The following QTMAN variants were observed in gnomAD, a reference collection of about 807,000 sequenced individuals.
QTMAN encodes queuosine-tRNA mannosyltransferase.
chr2:144,032,536 A>G, the QTMAN span, among the ~76,000 whole-genome samples: 7 of 152,188 alleles, frequency 4.6e-5, no homozygotes, highest in Non-Finnish European at 8.8e-5. Context: ...TATAAGCCCA[A>G]GGGTGGAGAC....
At chr2:144,149,869 T>TA in the QTMAN span, among the ~76,000 whole-genome samples, 1 of 152,044 alleles carries the variant, frequency 6.6e-6, no homozygotes, top group Admixed American at 6.6e-5. Flanking sequence ...ACTTAATATG[T>TA]AAAAAGAAAA....
the QTMAN span, among the ~76,000 whole-genome samples, chr2:144,323,091 A>T: frequency 6.6e-6 from 1 of 152,184 alleles, no homozygotes; most frequent in Non-Finnish European, 1.5e-5. Flanking sequence ...GTTCATTTTC[A>T]AGAAAATGAC....
At chr2:144,307,410 C>G in the QTMAN span, among the ~76,000 whole-genome samples, 1 of 152,186 alleles carries the variant, frequency 6.6e-6, no homozygotes, top group South Asian at 2.1e-4. Context: ...AGAAACAAGG[C>G]AAGGATGTTC....
At chr2:144,280,416 C>G in the QTMAN span, among the ~76,000 whole-genome samples, 1 of 152,146 alleles carries the variant, frequency 6.6e-6, no homozygotes, top group African/African-American at 2.4e-5. Flanking sequence ...TACACACTAG[C>G]AAAATCAACA....
chr2:143,962,623 T>C, the QTMAN span, among the ~76,000 whole-genome samples: 1 of 152,076 alleles, frequency 6.6e-6, no homozygotes, highest in African/African-American at 2.4e-5. Flanking sequence ...GAAGCCTTTG[T>C]AGGAGTCAAG....
the QTMAN span, among the ~76,000 whole-genome samples, chr2:144,054,730 G>T: frequency 2.0e-5 from 3 of 152,224 alleles, no homozygotes; most frequent in East Asian, 5.8e-4. Flanking sequence ...GAGGCCAACT[G>T]TTCTGGGATC....
the QTMAN span, among the ~76,000 whole-genome samples, chr2:144,260,450 T>C: frequency 1.3e-5 from 2 of 152,138 alleles, no homozygotes; most frequent in Non-Finnish European, 2.9e-5. Flanking sequence ...TTAATGGTTG[T>C]AATTTTTATA....
At chr2:144,318,588 C>A in the QTMAN span, among the ~76,000 whole-genome samples, 2 of 152,176 alleles carry the variant, frequency 1.3e-5, no homozygotes, top group African/African-American at 2.4e-5. Context: ...CTTCCACTAT[C>A]CAGCAACCTG....
At chr2:144,006,438 CT>C in the QTMAN span, 1 of 152,070 alleles carries the variant, frequency 6.6e-6, no homozygotes, top group Non-Finnish European at 1.5e-5. Flanking sequence ...AGACCATAAT[CT>C]GTGGGGGAAG....
the QTMAN span, among the ~76,000 whole-genome samples, chr2:144,122,258 T>C: frequency 6.6e-6 from 1 of 152,196 alleles, no homozygotes; most frequent in Non-Finnish European, 1.5e-5. Context: ...AGTACTTCTA[T>C]GCAATTTATA....
chr2:144,088,269 TGA>T, the QTMAN span, among the ~76,000 whole-genome samples: 3 of 151,758 alleles, frequency 2.0e-5, no homozygotes, highest in African/African-American at 7.3e-5. Context: ...ACCAAGGAAG[TGA>T]AAGATCTCTA....
chr2:144,086,516 A>G, the QTMAN span, among the ~76,000 whole-genome samples: 18 of 152,080 alleles, frequency 1.2e-4, no homozygotes, highest in African/African-American at 4.3e-4. Context: ...ACAGGTAAGG[A>G]CCTTGATTCA....
chr2:143,991,598 G>A, the QTMAN span, among the ~76,000 whole-genome samples: 9 of 148,142 alleles, frequency 6.1e-5, no homozygotes, highest in East Asian at 4.1e-4. Flanking sequence ...CGCCTCGTCC[G>A]GGAGGTGAGG....
At chr2:144,212,575 C>T in the QTMAN span, among the ~76,000 whole-genome samples, 1 of 152,110 alleles carries the variant, frequency 6.6e-6, no homozygotes, top group African/African-American at 2.4e-5. Context: ...AAATACCAAA[C>T]AGAAAACCCA....
At chr2:144,011,095 T>C in the QTMAN span, among the ~76,000 whole-genome samples, 1 of 152,158 alleles carries the variant, frequency 6.6e-6, no homozygotes, top group Non-Finnish European at 1.5e-5. Context: ...TTCAAATTTT[T>C]CTTATAATCT....
chr2:144,147,270 A>G, the QTMAN span, among the ~76,000 whole-genome samples: 94 of 151,710 alleles, frequency 6.2e-4, 1 homozygote, highest in Admixed American at 5.5e-3. Context: ...GGTTAAAAAA[A>G]AAAAATCTTA....
At chr2:144,327,816 C>CT in the QTMAN span, among the ~76,000 whole-genome samples, 1 of 152,054 alleles carries the variant, frequency 6.6e-6, no homozygotes, top group African/African-American at 2.4e-5. Flanking sequence ...GTTAGGATGC[C>CT]TAAACATGCT....
the QTMAN span, among the ~76,000 whole-genome samples, chr2:144,228,890 G>A: frequency 6.6e-6 from 1 of 152,062 alleles, no homozygotes; most frequent in Non-Finnish European, 1.5e-5. Flanking sequence ...CCCGGGAGGC[G>A]GAGGTTGTGG....
chr2:144,214,816 T>C, the QTMAN span, among the ~76,000 whole-genome samples: 1 of 152,240 alleles, frequency 6.6e-6, no homozygotes, highest in African/African-American at 2.4e-5. Context: ...CTTTTCCAAT[T>C]ATATGAATTG....
Sources: gnomAD v4.1 joint callset for allele counts (sites outside exome capture counted in the v4.1 genomes callset) on GRCh38, gnomAD v4.1.1 for gene constraint, MANE v1.5 for transcripts, NCBI Gene and HGNC (gene_info 2026-07-23, HGNC 2026-07-21) for gene names.